The following TUT7 variants were observed in gnomAD, a reference collection of about 807,000 sequenced individuals.
The protein encoded by TUT7 is terminal uridylyl transferase 7.
Under a neutral mutation model 165.9 loss-of-function variants are expected in TUT7, and 33 were observed. That is an observed-to-expected ratio of 0.20 (90% CI 0.15 to 0.27). The LOEUF is 0.27. Among genes scored for constraint, TUT7 ranks in the 10% least tolerant of loss-of-function variants. The probability of loss-of-function intolerance (pLI) is 1.00; values close to 1 mark genes in which losing one functional copy is unlikely to be tolerated. For synonymous variants in TUT7, 552 were observed against 608.1 expected, an observed-to-expected ratio of 0.91 and a Z score of 1.36; for missense variants, 1,338 against 1,762.3, an observed-to-expected ratio of 0.76 and a Z score of 4.31.
chr9:86,344,874 T>G, intron 5 of TUT7, 103 bp downstream of exon 5: 3 of 1,149,028 alleles, frequency 2.6e-6, no homozygotes, highest in Non-Finnish European at 3.6e-6. Flanking sequence ...AAGAGCTTCA[T>G]GACATGGTAA....
At chr9:86,297,345 C>T (rs1353937705) in intron 26 of TUT7, among the ~76,000 whole-genome samples, 2 of 152,104 alleles carry the variant, frequency 1.3e-5, no homozygotes, top group African/African-American at 4.8e-5. Context: ...TATTATTACC[C>T]CCTTTTTACA....
chr9:86,352,441 G>A (rs542428671), intron 2 of TUT7: 11 of 586,628 alleles, frequency 1.9e-5, no homozygotes, highest in Middle Eastern at 4.5e-4. Context: ...GTTTACTGAC[G>A]TAAAGTGAGC....
At chr9:86,289,195 G>A (rs759816832) in intron 26 of TUT7, among the ~76,000 whole-genome samples, 4 of 152,050 alleles carry the variant, frequency 2.6e-5, no homozygotes, top group Non-Finnish European at 4.4e-5. Flanking sequence ...GATATAAAAG[G>A]AAAAAGGGAA....
chr9:86,343,916 A>G (rs190523056), intron 5 of TUT7, among the ~76,000 whole-genome samples: 1 of 152,314 alleles, frequency 6.6e-6, no homozygotes, highest in East Asian at 1.9e-4. Flanking sequence ...AAGGTTTGCT[A>G]AAATTCAAGT....
Position 86,343,077 on chromosome 9 carries a change from T to C in TUT7, c.1084A>G (p.Ile362Val), listed in dbSNP as rs374368241. Residue 362 changes from isoleucine (I) to valine (V), a missense_variant and splice_region_variant, in exon 6 of 27, where the codon ATT becomes GTT. Coordinates refer to ENST00000375963, the MANE Select transcript of TUT7 (RefSeq NM_024617.4). ...CCAGCATTTCATTTTGTACTTACAA[T>C]GGCTGGAAACTGGATGTCAATGTTT... ...DVNIDIQFPA[I>V]MSQPDVLLLV... 5 of 1,597,044 alleles carry C rather than the reference T, an allele frequency of 3.1e-6. No individual in the cohort carries two copies. The highest frequency in any genetic ancestry group is 1.3e-5 in the African/African-American group (1 of 74,320).
At chr9:86,308,091 G>T (rs972657741) in intron 22 of TUT7, among the ~76,000 whole-genome samples, 1 of 152,100 alleles carries the variant, frequency 6.6e-6, no homozygotes, top group Admixed American at 6.5e-5. Flanking sequence ...CATCAATAGC[G>T]AATGAAGATC....
At chr9:86,345,461 A>T (rs897374652) in intron 4 of TUT7, among the ~76,000 whole-genome samples, 1 of 152,238 alleles carries the variant, frequency 6.6e-6, no homozygotes. Context: ...CAATGACTTC[A>T]TATAACCTGA....
chr9:86,291,562 A>C (rs1436767698), intron 26 of TUT7, among the ~76,000 whole-genome samples: 1 of 148,988 alleles, frequency 6.7e-6, no homozygotes, highest in Non-Finnish European at 1.5e-5. Context: ...ACAAGAGCGA[A>C]ACTCCATCTC....
chr9:86,319,932 A>C (rs700761), intron 14 of TUT7, among the ~76,000 whole-genome samples: 36,932 of 152,132 alleles, frequency 0.24, 6,049 homozygotes, highest in Non-Finnish European at 0.35. Context: ...TCCCAGGCTC[A>C]AGCCATCTTC....
rs191780849 is a variant in TUT7, at chr9:86,292,475, A to G, written c.4421-3731T>C. ...CAGAGGGAGACTTTGTCTCAAAAAAAAAAAAAAGGAAACTTGGAGACTTAA... is the reference window on the plus strand; with the variant it reads ...CAGAGGGAGACTTTGTCTCAAAAAAGAAAAAAAGGAAACTTGGAGACTTAA... On this transcript the variant is annotated intron_variant, in intron 26 of 26. Transcript: ENST00000375963. Among the ~76,000 whole-genome samples, 317 of 151,266 alleles carry G rather than the reference A, an allele frequency of 2.1e-3. 1 individual carries two copies. Among genetic ancestry groups the G allele is most frequent in the Admixed American group, 3.5e-3 (53 of 15,216 alleles).
At chr9:86,338,717 G>T in intron 9 of TUT7, 106 bp downstream of exon 9, 1 of 1,238,296 alleles carries the variant, frequency 8.1e-7, no homozygotes, top group Non-Finnish European at 1.1e-6. Flanking sequence ...CTCTTTTGAT[G>T]TCTATAAATT....
In TUT7 at chr9:86,323,681, C is replaced by T. The variant is rs188666254; in HGVS notation, c.2069G>A (p.Cys690Tyr). ...TTTAAGAGTAAGTGGCTGTACCTTA[C>T]AGGTATTTGCAGCTGAACTGGTAGC... ...PGATSSAANT[C>Y]KVQPLTLKET... The change falls in exon 13 of 27, where the codon TGT becomes TAT. Residue 690 changes from cysteine to tyrosine, a missense_variant. By Grantham distance (194) the Cys-to-Tyr change is radical (BLOSUM62 -2). This residue lies in a region of TUT7 where 425 missense variants were observed against 474.9 expected (regional missense o/e 0.89). Coordinates refer to ENST00000375963, the MANE Select transcript of TUT7 (RefSeq NM_024617.4). 5.6e-5 allele frequency: 90 copies of T among 1,614,136 alleles called. 1 individual carries two copies. In the African/African-American group the frequency reaches 9.3e-4, roughly 17 times the overall value.
chr9:86,318,512 T>C (rs1260664297), intron 16 of TUT7, among the ~76,000 whole-genome samples: 2 of 152,214 alleles, frequency 1.3e-5, no homozygotes, highest in Non-Finnish European at 1.5e-5. Context: ...TTATCGATTA[T>C]TTACCAAAGA....
intron 24 of TUT7, among the ~76,000 whole-genome samples, chr9:86,303,745 A>G (rs1157508171): frequency 1.3e-5 from 2 of 152,230 alleles, no homozygotes; most frequent in Non-Finnish European, 2.9e-5. Flanking sequence ...CAACATGAGC[A>G]TCCCCAGGGA....
Position 86,343,168 on chromosome 9 carries a change from A to AAAAT in TUT7, c.998-9_998-6dup, listed in dbSNP as rs745947705. 8 of 1,494,048 alleles carry AAAAT rather than the reference A, an allele frequency of 5.4e-6. No homozygotes were observed. Among genetic ancestry groups the AAAAT allele is most frequent in the Admixed American group, 2.0e-5 (1 of 49,224 alleles). The allele number at this position is 1,494,048 out of a possible 1,614,324, so 92.5% of individuals were successfully genotyped here. A position where few individuals can be genotyped will look rare whatever the true frequency, so the allele number is the denominator to read the frequency against. ...CATATAATCTTAGGGAACAATCTAA[A>AAAAT]AAATAAATAAATAAATAAAAGTAAT... On this transcript the variant is annotated splice_polypyrimidine_tract_variant and splice_region_variant and intron_variant, in intron 5 of 26. Transcript: ENST00000375963.
intron 2 of TUT7, among the ~76,000 whole-genome samples, chr9:86,349,204 G>A (rs931236898): frequency 6.6e-5 from 10 of 151,672 alleles, no homozygotes; most frequent in Admixed American, 1.3e-4. Flanking sequence ...GCTTGAACTC[G>A]GGAGGCAGAG....
intron 11 of TUT7, among the ~76,000 whole-genome samples, chr9:86,327,515 G>A (rs1452085769): frequency 6.6e-6 from 1 of 152,094 alleles, no homozygotes; most frequent in African/African-American, 2.4e-5. Context: ...GGGAGAGCTG[G>A]GATACAAATT....
At chr9:86,292,628 T>C (rs1825985479) in intron 26 of TUT7, among the ~76,000 whole-genome samples, 1 of 149,520 alleles carries the variant, frequency 6.7e-6, no homozygotes, top group Non-Finnish European at 1.5e-5. Flanking sequence ...AAAAAAGAGA[T>C]TGAGCCAGGC....
intron 26 of TUT7, among the ~76,000 whole-genome samples, chr9:86,298,525 G>A (rs1826567586): frequency 6.6e-6 from 1 of 152,194 alleles, no homozygotes; most frequent in Non-Finnish European, 1.5e-5. Context: ...TGCCACTCAT[G>A]GGTGGTATAA....
Sources: gnomAD v4.1 joint callset for allele counts (sites outside exome capture counted in the v4.1 genomes callset) on GRCh38, gnomAD v4.1.1 for gene constraint, gnomAD v4.1.1 regional missense constraint, MANE v1.5 for transcripts, NCBI Gene and HGNC (gene_info 2026-07-23, HGNC 2026-07-21) for gene names.